The following RNLS variants were observed in gnomAD, a reference collection of about 807,000 sequenced individuals.
The protein encoded by RNLS is renalase.
In RNLS, 39 loss-of-function variants were observed where a neutral mutation model predicts 39.8. The ratio of observed to expected loss-of-function variants is 0.98; its 90% CI spans 0.76 to 1.28. The LOEUF (loss-of-function observed/expected upper bound fraction) is 1.28. Among genes scored for constraint, RNLS ranks in the 50% most tolerant of loss-of-function variants. The pLI is 0.00. For missense variants in RNLS, 410 were observed against 413.3 expected (o/e 0.99, Z 0.07); for synonymous variants, 147 against 150.7 (o/e 0.98, Z 0.18).
the RNLS span, among the ~76,000 whole-genome samples, chr10:88,210,522 C>T: frequency 6.6e-5 from 10 of 152,192 alleles, no homozygotes; most frequent in Non-Finnish European, 1.3e-4. Flanking sequence ...CTGTTTTGAC[C>T]TTTCCAGTAT....
chr10:88,568,807 A>G (rs1312229473), intron 4 of RNLS, among the ~76,000 whole-genome samples: 1 of 152,212 alleles, frequency 6.6e-6, no homozygotes, highest in East Asian at 1.9e-4. Flanking sequence ...CTTTTTGAAG[A>G]TACATTCGTT....
In RNLS at chr10:88,275,359, A is replaced by T. The variant is rs1216918217; in HGVS notation, c.877-327T>A. ...TTAAAACATATAGAATATATAAAAA[A>T]TTAACATATTCCTTTGAATGCAGGT... On this transcript the variant is annotated intron_variant, in intron 6 of 6. Coordinates refer to the RNLS transcript ENST00000371947. Among the ~76,000 whole-genome samples, 3 of 152,172 alleles carry T rather than the reference A, an allele frequency of 2.0e-5. No homozygotes were observed. In the East Asian group the frequency reaches 5.8e-4, roughly 29 times the overall value.
chr10:88,462,352 A>G (rs1219119814), intron 4 of RNLS, among the ~76,000 whole-genome samples: 1 of 152,042 alleles, frequency 6.6e-6, no homozygotes, highest in Admixed American at 6.6e-5. Context: ...CCTTTGTGTT[A>G]CAAACAATCC....
At chr10:88,190,721 C>G in the RNLS span, among the ~76,000 whole-genome samples, 2 of 152,302 alleles carry the variant, frequency 1.3e-5, no homozygotes, top group African/African-American at 4.8e-5. Flanking sequence ...GTTCTCCACC[C>G]TCCTCCTCCA....
At chr10:88,375,175 C>CAACT (rs1850878790) in intron 4 of RNLS, among the ~76,000 whole-genome samples, 1 of 151,922 alleles carries the variant, frequency 6.6e-6, no homozygotes, top group African/African-American at 2.4e-5. Context: ...AACAAGACAC[C>CAACT]AACTTCTACC....
intron 4 of RNLS, among the ~76,000 whole-genome samples, chr10:88,474,524 T>C (rs1041539376): frequency 6.6e-6 from 1 of 152,180 alleles, no homozygotes; most frequent in African/African-American, 2.4e-5. Context: ...GTGACTCTCC[T>C]AGTTCACAGC....
chr10:88,484,544 T>A (rs1047123419), intron 4 of RNLS, among the ~76,000 whole-genome samples: 1 of 152,014 alleles, frequency 6.6e-6, no homozygotes, highest in African/African-American at 2.4e-5. Context: ...AAAGAACTTA[T>A]GAGTTCAGTC....
chr10:88,175,061 G>A, the RNLS span, among the ~76,000 whole-genome samples: 1 of 152,030 alleles, frequency 6.6e-6, no homozygotes, highest in Admixed American at 6.5e-5. Flanking sequence ...TATTCAAGTA[G>A]CCTTTAATTA....
At chr10:88,287,509 A>G (rs539124237) in intron 6 of RNLS, among the ~76,000 whole-genome samples, 9 of 152,306 alleles carry the variant, frequency 5.9e-5, no homozygotes, top group African/African-American at 2.2e-4. Context: ...AGGATTCTAG[A>G]TATTAGTGAT....
At chr10:88,449,130 C>G (rs1028695828) in intron 4 of RNLS, among the ~76,000 whole-genome samples, 1 of 152,110 alleles carries the variant, frequency 6.6e-6, no homozygotes, top group African/African-American at 2.4e-5. Context: ...CACATGTACC[C>G]TAGAACTTAA....
intron 4 of RNLS, among the ~76,000 whole-genome samples, chr10:88,517,880 T>A (rs191339800): frequency 6.6e-6 from 1 of 151,924 alleles, no homozygotes; most frequent in African/African-American, 2.4e-5. Context: ...TTTTACACAA[T>A]GGGAAAAAAA....
intron 5 of RNLS, among the ~76,000 whole-genome samples, chr10:88,315,738 G>GTTTTT (rs202128805): frequency 7.5e-6 from 1 of 133,416 alleles, no homozygotes; most frequent in Non-Finnish European, 1.6e-5. Flanking sequence ...TACATTTCAG[G>GTTTTT]TTTTTTTTTT....
At chr10:88,580,051 C>T (rs950719448) in intron 3 of RNLS, among the ~76,000 whole-genome samples, 1 of 152,186 alleles carries the variant, frequency 6.6e-6, no homozygotes, top group African/African-American at 2.4e-5. Context: ...AACATTGGCT[C>T]TTCCTGAGTC....
intron 4 of RNLS, among the ~76,000 whole-genome samples, chr10:88,494,729 T>C (rs1036221078): frequency 6.6e-6 from 1 of 152,140 alleles, no homozygotes; most frequent in Non-Finnish European, 1.5e-5. Context: ...GTGGTACCAA[T>C]GTTCACCAAT....
At chr10:88,281,565 G>A (rs1379501921), downstream of RNLS, among the ~76,000 whole-genome samples, 1 of 152,122 alleles carries the variant, frequency 6.6e-6, no homozygotes, top group Non-Finnish European at 1.5e-5. Context: ...TTGCACACGT[G>A]TGACAGGAAG....
chr10:88,185,881 A>G, the RNLS span, among the ~76,000 whole-genome samples: 2 of 152,204 alleles, frequency 1.3e-5, no homozygotes, highest in Non-Finnish European at 2.9e-5. Flanking sequence ...AACATTGGCC[A>G]AAGCACCTCC....
chr10:88,216,133 GATAAA>G, the RNLS span, among the ~76,000 whole-genome samples: 1 of 152,174 alleles, frequency 6.6e-6, no homozygotes, highest in African/African-American at 2.4e-5. Flanking sequence ...TATCTTTGCA[GATAAA>G]ATAGAAATGA....
intron 4 of RNLS, among the ~76,000 whole-genome samples, chr10:88,364,992 A>G (rs1363463540): frequency 6.6e-6 from 1 of 152,146 alleles, no homozygotes; most frequent in African/African-American, 2.4e-5. Flanking sequence ...ACACTGAAGG[A>G]TCAATAGGTT....
chr10:88,558,841 A>C (rs2134373920), intron 4 of RNLS, among the ~76,000 whole-genome samples: 1 of 152,312 alleles, frequency 6.6e-6, no homozygotes, highest in Admixed American at 6.5e-5. Flanking sequence ...TAAAAATGTA[A>C]GGCTAATAAC....
Sources: allele counts gnomAD v4.1 joint callset (sites outside exome capture counted in the v4.1 genomes callset), GRCh38; gene constraint gnomAD v4.1.1; transcripts MANE v1.5; gene names NCBI Gene and HGNC (gene_info 2026-07-23, HGNC 2026-07-21).